The following MS4A15 variants were observed in gnomAD, a reference collection of about 807,000 sequenced individuals.
MS4A15 encodes the protein membrane-spanning 4-domains subfamily A member 15.
In MS4A15, 22 loss-of-function variants were observed where a neutral mutation model predicts 20.6. That is an observed-to-expected ratio of 1.07 (90% CI 0.76 to 1.52). The LOEUF is 1.52. MS4A15 is among the 40% of genes most tolerant of loss of function. MS4A15 has a pLI of 0.00. For missense variants in MS4A15, 312 were observed against 323.0 expected (o/e 0.97, Z 0.26); for synonymous variants, 129 against 129.3 (o/e 1.00, Z 0.02).
intron 4 of MS4A15, among the ~76,000 whole-genome samples, chr11:60,772,715 G>C (rs1854072954): frequency 6.6e-6 from 1 of 152,136 alleles, no homozygotes; most frequent in Non-Finnish European, 1.5e-5. Context: ...TCCAGCTACG[G>C]GTCACGAGAC....
rs768105661 is a variant in MS4A15, at chr11:60,763,984, T to A, written c.225+26T>A. On this transcript the variant is annotated intron_variant, in intron 2 of 6. Coordinates refer to ENST00000405633, the MANE Select transcript of MS4A15 (RefSeq NM_001098835.2). ...GTAAGAACAGCCTCTCTGCACAACC[T>A]GAGGCAGGTAGTGAGTATCCCAGCA... 1.4e-5 allele frequency: 22 copies of A among 1,583,056 alleles called. No individual in the cohort carries two copies. In the East Asian group the frequency reaches 4.8e-4, roughly 34 times the overall value.
intron 4 of MS4A15, among the ~76,000 whole-genome samples, chr11:60,772,358 G>A (rs183828486): frequency 2.7e-4 from 41 of 151,784 alleles, no homozygotes; most frequent in African/African-American, 1.0e-3. Context: ...TACTTGAGAG[G>A]TATCCCAGGT....
Position 60,775,680 on chromosome 11 carries a change from T to C in MS4A15, c.688T>C (p.Tyr230His), listed in dbSNP as rs761867385. ...PSPAASAPPAYDNVAYAQGVV is the reference protein window; with the variant it reads ...PSPAASAPPAHDNVAYAQGVV ...CCCGGCAGCCTCTGCGCCCCCTGCC[T>C]ATGACAATGTGGCATATGCCCAAGG... Residue 230 changes from tyrosine (Y) to histidine (H), a missense_variant, in exon 7 of 7, where the codon TAT (tyrosine) becomes CAT (histidine). By Grantham distance (83) the Tyr-to-His change is moderately conservative. Coordinates refer to ENST00000405633, the MANE Select transcript of MS4A15 (RefSeq NM_001098835.2). 7.2e-5 allele frequency: 117 copies of C among 1,613,828 alleles called. No individual in the cohort carries two copies. Among genetic ancestry groups the C allele is most frequent in the Non-Finnish European group, 9.0e-5 (106 of 1,179,924 alleles).
chr11:60,775,476 C>T, intron 6 of MS4A15, 129 bp from the exon 7 acceptor site: 2 of 698,050 alleles, frequency 2.9e-6, no homozygotes, highest in East Asian at 2.5e-5. Context: ...GAGCCCTGAG[C>T]ATGCGATTCA....
intron 3 of MS4A15, among the ~76,000 whole-genome samples, chr11:60,769,552 C>T (rs937681405): frequency 2.6e-5 from 4 of 152,082 alleles, no homozygotes; most frequent in African/African-American, 7.2e-5. Flanking sequence ...CCCAGAGAGC[C>T]GGATTCTAAA....
At chr11:60,759,511 C>T (rs980119278) in intron 1 of MS4A15, among the ~76,000 whole-genome samples, 4 of 152,188 alleles carry the variant, frequency 2.6e-5, no homozygotes, top group Non-Finnish European at 5.9e-5. Flanking sequence ...CCTTACCATC[C>T]CCTAGCCCGA....
At chr11:60,760,722 A>C (rs570815603) in intron 1 of MS4A15, among the ~76,000 whole-genome samples, 1 of 152,320 alleles carries the variant, frequency 6.6e-6, no homozygotes, top group African/African-American at 2.4e-5. Flanking sequence ...ATTATTAAAC[A>C]AGCTCATCAA....
At chr11:60,768,535 G>A (rs982274654) in intron 3 of MS4A15, among the ~76,000 whole-genome samples, 13 of 152,272 alleles carry the variant, frequency 8.5e-5, no homozygotes, top group African/African-American at 2.4e-4. Context: ...GCCTCCAGCC[G>A]CCCCAAGGAA....
In MS4A15 at chr11:60,757,016, T is replaced by TA. The variant is rs1205143101; in HGVS notation, c.-70dup. 2 of 152,164 alleles carry TA rather than the reference T, an allele frequency of 1.3e-5. No homozygotes were observed. The highest frequency in any genetic ancestry group is 2.9e-5 in the Non-Finnish European group (2 of 68,018). 9.4% of individuals were successfully genotyped at this position (152,164 alleles called of 1,614,324 possible). A position where few individuals can be genotyped will look rare whatever the true frequency, so the allele number is the denominator to read the frequency against. The stretch of plus-strand genomic sequence containing the variant: ...GACCCCGACGTGATCGCCTTGAAGT[T>TA]ACGCTTGAAGGAGGAAAACTCATCA... On this transcript the variant is annotated 5_prime_UTR_variant, in exon 1 of 7. Transcript: ENST00000405633.
At chr11:60,767,750 G>T in intron 3 of MS4A15, 95 bp downstream of exon 3, 1 of 1,383,570 alleles carries the variant, frequency 7.2e-7, no homozygotes, top group Non-Finnish European at 9.4e-7. Context: ...CCTGGGCACA[G>T]CCTCTCCTAG....
At chr11:60,761,161 A>ATGC (rs922354574) in intron 1 of MS4A15, among the ~76,000 whole-genome samples, 1 of 152,188 alleles carries the variant, frequency 6.6e-6, no homozygotes, top group Non-Finnish European at 1.5e-5. Context: ...AGGTCGATGG[A>ATGC]TGCCCCTGTC....
chr11:60,759,795 G>T (rs1853687859), intron 1 of MS4A15, among the ~76,000 whole-genome samples: 1 of 152,128 alleles, frequency 6.6e-6, no homozygotes, highest in Non-Finnish European at 1.5e-5. Context: ...TCTGGGCACA[G>T]TACCTTCCCT....
At chr11:60,773,762 G>A in intron 5 of MS4A15, 75 bp from the exon 6 acceptor site, 2 of 1,246,910 alleles carry the variant, frequency 1.6e-6, no homozygotes, top group Middle Eastern at 2.2e-4. Context: ...ATGACCTTGG[G>A]CAAGTGGTTC....
At chr11:60,773,310 G>A (rs1255130354) in intron 4 of MS4A15, 82 bp from the exon 5 acceptor site, 3 of 1,173,570 alleles carry the variant, frequency 2.6e-6, no homozygotes, top group Non-Finnish European at 3.7e-6. Context: ...CGTGCTGGGG[G>A]CTGGGCAGCT....
chr11:60,761,433 G>A (rs1205987469), intron 1 of MS4A15, among the ~76,000 whole-genome samples: 1 of 152,150 alleles, frequency 6.6e-6, no homozygotes, highest in Non-Finnish European at 1.5e-5. Context: ...GTCTGAGTAG[G>A]GACTGGGGAT....
chr11:60,758,934 G>T (rs1216449015), intron 1 of MS4A15, among the ~76,000 whole-genome samples: 1 of 152,232 alleles, frequency 6.6e-6, no homozygotes, highest in East Asian at 1.9e-4. Context: ...AGAGTTAGGT[G>T]CCCTGATATT....
At chr11:60,762,737 G>A (rs1313808916) in intron 1 of MS4A15, among the ~76,000 whole-genome samples, 2 of 152,124 alleles carry the variant, frequency 1.3e-5, no homozygotes, top group Non-Finnish European at 2.9e-5. Flanking sequence ...TTAAAGAAGG[G>A]GGAGATGTTG....
In MS4A15 at chr11:60,771,598, G is replaced by A. The variant is rs571662291; in HGVS notation, c.405+251G>A. 48 of 1,506,666 alleles carry A rather than the reference G, an allele frequency of 3.2e-5. No homozygotes were observed. The South Asian group carries it at 3.4e-4, about 11-fold the overall frequency. 93.3% of individuals were successfully genotyped at this position (1,506,666 alleles called of 1,614,324 possible). A position where few individuals can be genotyped will look rare whatever the true frequency, so the allele number is the denominator to read the frequency against. On this transcript the variant is annotated intron_variant, in intron 4 of 6. Transcript: ENST00000405633. ...TGAGGTCCATGCTCATGGTCATTCC[G>A]AGAAAGGAAAGATGCTAGAAGATCT...
rs910615921 is a variant in MS4A15, at chr11:60,767,553, C to T, written c.246C>T (p.Gly82=). The T allele has an allele frequency of 4.5e-6, 7 of 1,548,612 alleles. No individual in the cohort carries two copies. The highest frequency in any genetic ancestry group is 1.4e-5 in the African/African-American group (1 of 73,104). ...KVLGTVQILI[G]LIHLGFGSVL... ...CGCAGACGGTGCAGATCCTCATCGGCCTCATCCACCTAGGCTTTGGCAGCG... is the reference window on the plus strand; with the variant it reads ...CGCAGACGGTGCAGATCCTCATCGGTCTCATCCACCTAGGCTTTGGCAGCG... The change falls in exon 3 of 7, where the codon GGC becomes GGT. Residue 82 remains glycine, a synonymous_variant. Transcript: ENST00000405633.
Sources: allele counts gnomAD v4.1 joint callset (sites outside exome capture counted in the v4.1 genomes callset), GRCh38; gene constraint gnomAD v4.1.1; transcripts MANE v1.5; gene names NCBI Gene and HGNC (gene_info 2026-07-23, HGNC 2026-07-21).